PRKD1: variants seen among roughly 807,000 people sequenced by gnomAD.
PRKD1 encodes the protein protein kinase D1, also known as serine/threonine-protein kinase D1.
PRKD1 carries 63 observed loss-of-function variants against 95.9 expected under a neutral mutation model. That is an observed-to-expected ratio of 0.66 (90% CI 0.54 to 0.81). PRKD1 has a LOEUF of 0.81. Ranked by LOEUF, PRKD1 falls within the 30% of genes least tolerant of loss-of-function variation. The pLI is 0.00. For synonymous variants in PRKD1, 425 were observed against 423.1 expected (o/e 1.00, Z -0.05); for missense variants, 1,048 against 1,165.3 (o/e 0.90, Z 1.47).
At chr14:29,635,785 C>G (rs1329810361) in intron 7 of PRKD1, among the ~76,000 whole-genome samples, 1 of 152,058 alleles carries the variant, frequency 6.6e-6, no homozygotes, top group Non-Finnish European at 1.5e-5. Flanking sequence ...GTGCTGACTC[C>G]TGATATAAAA....
intron 1 of PRKD1, among the ~76,000 whole-genome samples, chr14:29,837,313 T>C (rs941914254): frequency 1.3e-5 from 2 of 152,214 alleles, no homozygotes; most frequent in Non-Finnish European, 2.9e-5. Flanking sequence ...CAGCATGAAG[T>C]ACATGACTGA....
At chr14:29,771,877 T>C (rs1358032929) in intron 1 of PRKD1, among the ~76,000 whole-genome samples, 2 of 152,246 alleles carry the variant, frequency 1.3e-5, no homozygotes, top group Non-Finnish European at 1.5e-5. Context: ...CCTGTTTTGT[T>C]GTGGACTTAT....
intron 1 of PRKD1, among the ~76,000 whole-genome samples, chr14:29,891,120 G>T (rs1893923208): frequency 6.6e-6 from 1 of 152,184 alleles, no homozygotes; most frequent in Non-Finnish European, 1.5e-5. Flanking sequence ...ATGGCTCATA[G>T]ATGCTAGCCA....
intron 1 of PRKD1, among the ~76,000 whole-genome samples, chr14:29,920,626 A>AC (rs3067300): frequency 2.0e-5 from 3 of 151,090 alleles, no homozygotes; most frequent in South Asian, 2.1e-4. Context: ...ACACACACAC[A>AC]AAGTTTCATA....
intron 4 of PRKD1, among the ~76,000 whole-genome samples, chr14:29,663,114 AAT>A (rs1337681993): frequency 1.4e-5 from 2 of 144,124 alleles, no homozygotes; most frequent in African/African-American, 5.1e-5. Flanking sequence ...AATATATAAA[AAT>A]ATATATCTTA....
At chr14:29,844,888 T>C (rs1291354923) in intron 1 of PRKD1, among the ~76,000 whole-genome samples, 3 of 152,064 alleles carry the variant, frequency 2.0e-5, no homozygotes, top group African/African-American at 4.8e-5. Flanking sequence ...GTCAGAAAGA[T>C]GGAGGAAAAG....
chr14:29,667,035 A>G (rs952983066), intron 2 of PRKD1, among the ~76,000 whole-genome samples: 16 of 152,158 alleles, frequency 1.1e-4, no homozygotes, highest in African/African-American at 2.9e-4. Flanking sequence ...TGTTGCTGAA[A>G]TCAAGAAATA....
intron 1 of PRKD1, among the ~76,000 whole-genome samples, chr14:29,925,591 A>G (rs1217130353): frequency 3.9e-5 from 6 of 152,002 alleles, no homozygotes; most frequent in Non-Finnish European, 8.8e-5. Context: ...TCCCACTACC[A>G]AACCTCTTGA....
chr14:29,675,636 C>A (rs10140862), intron 2 of PRKD1, among the ~76,000 whole-genome samples: 67,800 of 151,828 alleles, frequency 0.45, 15,756 homozygotes, highest in African/African-American at 0.57. Context: ...TGGGTATATA[C>A]CCAAAGGATT....
At chr14:29,773,729 G>C (rs935814984) in intron 1 of PRKD1, among the ~76,000 whole-genome samples, 1 of 152,068 alleles carries the variant, frequency 6.6e-6, no homozygotes, top group African/African-American at 2.4e-5. Context: ...CTAGTAAATG[G>C]ATTTTTCCTA....
intron 1 of PRKD1, among the ~76,000 whole-genome samples, chr14:29,909,287 A>AC (rs1253809020): frequency 1.3e-3 from 78 of 59,770 alleles, no homozygotes; most frequent in East Asian, 4.4e-3. Context: ...CCCCTACCCA[A>AC]CCCCCCCCGC....
intron 1 of PRKD1, among the ~76,000 whole-genome samples, chr14:29,774,915 A>C (rs1450532492): frequency 2.0e-5 from 3 of 152,192 alleles, no homozygotes; most frequent in Non-Finnish European, 4.4e-5. Context: ...TGTGAAGGAC[A>C]AATCAGGGGA....
intron 2 of PRKD1, among the ~76,000 whole-genome samples, chr14:29,670,198 C>T (rs1882759062): frequency 6.6e-6 from 1 of 151,986 alleles, no homozygotes; most frequent in Non-Finnish European, 1.5e-5. Flanking sequence ...TCTAGAACCT[C>T]CTAGGTAATA....
intron 1 of PRKD1, among the ~76,000 whole-genome samples, chr14:29,839,927 C>T (rs571758680): frequency 1.3e-5 from 2 of 152,020 alleles, no homozygotes; most frequent in Admixed American, 1.3e-4. Flanking sequence ...TTTTTTCCTC[C>T]TGGGCCTCCG....
At chr14:29,618,781 G>GAA (rs34636619) in intron 13 of PRKD1, among the ~76,000 whole-genome samples, 62,865 of 145,068 alleles carry the variant, frequency 0.43, 13,654 homozygotes, top group African/African-American at 0.53. Context: ...AAATGAAATG[G>GAA]AAAAAAAAAA....
intron 1 of PRKD1, among the ~76,000 whole-genome samples, chr14:29,922,653 G>T (rs1895160740): frequency 6.6e-6 from 1 of 152,120 alleles, no homozygotes; most frequent in Non-Finnish European, 1.5e-5. Flanking sequence ...GAAGGCTGAG[G>T]TGGGAGGATT....
chr14:29,615,207 G>C (rs186847944), intron 13 of PRKD1, among the ~76,000 whole-genome samples: 60 of 152,010 alleles, frequency 3.9e-4, no homozygotes, highest in African/African-American at 1.3e-3. Context: ...GTTAATAAAG[G>C]GTATCGAATG....
At chr14:29,828,743 T>C (rs1891291757) in intron 1 of PRKD1, among the ~76,000 whole-genome samples, 2 of 152,166 alleles carry the variant, frequency 1.3e-5, no homozygotes, top group Non-Finnish European at 2.9e-5. Context: ...CAACAAAACA[T>C]ATACTGAATT....
chr14:29,759,061 A>C (rs1426075501), intron 1 of PRKD1, among the ~76,000 whole-genome samples: 1 of 152,222 alleles, frequency 6.6e-6, no homozygotes, highest in African/African-American at 2.4e-5. Context: ...ACATGTGATC[A>C]TTTTGGTCTT....
Sources: gnomAD v4.1 joint callset for allele counts (sites outside exome capture counted in the v4.1 genomes callset) on GRCh38, gnomAD v4.1.1 for gene constraint, MANE v1.5 for transcripts, NCBI Gene and HGNC (gene_info 2026-07-23, HGNC 2026-07-21) for gene names.